INPP5K: variants seen among roughly 807,000 people sequenced by gnomAD.
INPP5K encodes the protein inositol polyphosphate-5-phosphatase K, also known as inositol polyphosphate 5-phosphatase K.
In INPP5K, 35 loss-of-function variants were observed where a neutral mutation model predicts 53.5. That is an observed-to-expected ratio of 0.65 (90% CI 0.50 to 0.87). The LOEUF (loss-of-function observed/expected upper bound fraction) is 0.87. Among genes scored for constraint, INPP5K ranks in the 40% least tolerant of loss-of-function variants. INPP5K has a pLI of 0.00. For missense variants in INPP5K, 550 were observed against 586.2 expected, an observed-to-expected ratio of 0.94 and a Z score of 0.64; for synonymous variants, 253 against 232.8, an observed-to-expected ratio of 1.09 and a Z score of -0.79.
intron 7 of INPP5K, among the ~76,000 whole-genome samples, chr17:1,505,086 G>A (rs1429774081): frequency 1.3e-5 from 2 of 152,176 alleles, no homozygotes; most frequent in African/African-American, 2.4e-5. Flanking sequence ...AGAAGGGGAC[G>A]CCTGGCCGTA....
At position 1,495,528 on chromosome 17, in the gene INPP5K, G is replaced by A. The variant is rs2074806462; in HGVS notation, c.*295C>T. 2.5e-6 allele frequency: 1 copy of A among 392,254 alleles called. No homozygotes were observed. The highest frequency in any genetic ancestry group is 4.6e-6 in the Non-Finnish European group (1 of 215,864). 24.3% of individuals were successfully genotyped at this position (392,254 alleles called of 1,614,324 possible). The stretch of plus-strand genomic sequence containing the variant: ...GGACTACTTGGGCAAGACTAGAAGA[G>A]GGGGTAGGAATCCAGAAATGAGACG... On this transcript the variant is annotated 3_prime_UTR_variant, in exon 12 of 12. Coordinates refer to ENST00000421807, the MANE Select transcript of INPP5K (RefSeq NM_016532.4).
chr17:1,496,202 G>C, intron 10 of INPP5K, 38 bp from the exon 11 acceptor site: 1 of 1,524,534 alleles, frequency 6.6e-7, no homozygotes, highest in Non-Finnish European at 9.1e-7. Context: ...CAGCTCCAGG[G>C]CTCTGGGCTC....
chr17:1,509,826 C>T, intron 3 of INPP5K, 27 bp from the exon 4 acceptor site: 3 of 1,442,514 alleles, frequency 2.1e-6, no homozygotes, highest in South Asian at 2.3e-5. Context: ...GCAAAGGTCG[C>T]TCATTAAACC....
chr17:1,508,869 C>T (rs1418953369), intron 5 of INPP5K: 3 of 290,066 alleles, frequency 1.0e-5, no homozygotes, highest in Admixed American at 1.3e-4. Flanking sequence ...GGGGAACGGT[C>T]TGCAGACCCA....
At chr17:1,502,083 C>G (rs967170876) in intron 7 of INPP5K, among the ~76,000 whole-genome samples, 1 of 151,184 alleles carries the variant, frequency 6.6e-6, no homozygotes, top group African/African-American at 2.4e-5. Context: ...GGCACGGTGG[C>G]TCACGCCTGT....
chr17:1,496,170 G>A lies in INPP5K; in HGVS notation c.1186-6C>T. On this transcript the variant is annotated splice_polypyrimidine_tract_variant and splice_region_variant and intron_variant, in intron 10 of 11. Transcript: ENST00000421807. ...TTGCTGATGTCGATGTAAACCTGGAGGGGGATGGACAGGACTGGGGTCAGC... is the reference window on the plus strand; with the variant it reads ...TTGCTGATGTCGATGTAAACCTGGAAGGGGATGGACAGGACTGGGGTCAGC... The A allele has an allele frequency of 1.3e-6, 2 of 1,599,372 alleles. No individual in the cohort carries two copies. The highest frequency in any genetic ancestry group is 1.7e-6 in the Non-Finnish European group (2 of 1,166,726).
intron 1 of INPP5K, chr17:1,515,468 G>A (rs1267324745): frequency 8.1e-6 from 8 of 985,446 alleles, no homozygotes; most frequent in Non-Finnish European, 9.6e-6. Flanking sequence ...AGCTCTTCAA[G>A]AAGCCTCAGA....
chr17:1,508,250 C>T, intron 5 of INPP5K, 24 bp from the exon 6 acceptor site: 1 of 1,571,078 alleles, frequency 6.4e-7, no homozygotes, highest in Non-Finnish European at 8.8e-7. Context: ...GGAGGGCAGC[C>T]TGAGGATTTG....
intron 1 of INPP5K, 115 bp downstream of exon 1, chr17:1,516,341 G>T: frequency 8.5e-7 from 1 of 1,179,314 alleles, no homozygotes; most frequent in Non-Finnish European, 1.2e-6. Context: ...AGGCGAGAGC[G>T]CCTCTGAACC....
intron 6 of INPP5K, among the ~76,000 whole-genome samples, 198 bp downstream of exon 6, chr17:1,507,917 C>A (rs1306753173): frequency 1.3e-5 from 2 of 152,104 alleles, no homozygotes; most frequent in African/African-American, 4.8e-5. Flanking sequence ...CATCCAGGGT[C>A]TGTTACCCTG....
intron 5 of INPP5K, among the ~76,000 whole-genome samples, chr17:1,508,747 CGGGG>C (rs2075225711): frequency 1.4e-5 from 2 of 142,704 alleles, no homozygotes; most frequent in East Asian, 2.3e-4. Flanking sequence ...GGGCAGAGGG[CGGGG>C]AACAGTCTGC....
At chr17:1,500,658 C>T (rs1031339024) in intron 7 of INPP5K, among the ~76,000 whole-genome samples, 1 of 152,158 alleles carries the variant, frequency 6.6e-6, no homozygotes, top group Non-Finnish European at 1.5e-5. Flanking sequence ...GCCACCGCGC[C>T]CGGCCACTGA....
chr17:1,515,855 C>G, intron 1 of INPP5K: 2 of 952,134 alleles, frequency 2.1e-6, no homozygotes, highest in Non-Finnish European at 2.5e-6. Context: ...GAACAAAGAC[C>G]TTTTACTCAG....
At chr17:1,505,566 C>T (rs2075134681) in intron 7 of INPP5K, among the ~76,000 whole-genome samples, 1 of 152,172 alleles carries the variant, frequency 6.6e-6, no homozygotes, top group Admixed American at 6.5e-5. Context: ...ACTGCCTCCT[C>T]TTCTGTGGAC....
At chr17:1,515,904 G>A (rs1023171018) in intron 1 of INPP5K, 3 of 986,730 alleles carry the variant, frequency 3.0e-6, no homozygotes, top group Non-Finnish European at 3.6e-6. Context: ...AGGATGGAGA[G>A]CAAAAGTCCG....
Position 1,513,861 on chromosome 17 carries a change from C to A in INPP5K, c.152+11G>T, listed in dbSNP as rs2075368912. On this transcript the variant is annotated intron_variant, in intron 2 of 11. Transcript: ENST00000421807. Reference sequence around the variant, plus strand: ...GGTCAGGGATGGGCGAAGGAGCCTGCAGATACCTACCCAATAACATATATG... The same window carrying A: ...GGTCAGGGATGGGCGAAGGAGCCTGAAGATACCTACCCAATAACATATATG... 1 of 1,593,120 alleles carries A rather than the reference C, an allele frequency of 6.3e-7. No individual in the cohort carries two copies. The highest frequency in any genetic ancestry group is 1.1e-5 in the South Asian group (1 of 90,016).
In INPP5K at chr17:1,513,554, C is replaced by A. The variant is rs1255565361; in HGVS notation, c.160G>T (p.Glu54Ter). 1 of 1,614,050 alleles carries A rather than the reference C, an allele frequency of 6.2e-7. No homozygotes were observed. Among genetic ancestry groups the A allele is most frequent in the African/African-American group, 1.3e-5 (1 of 74,932 alleles). ...AGGCTTATGATCCCAGAGTTCAATTCCTGCAAACTGACCATGCCAGCTCAG... is the reference window on the plus strand; with the variant it reads ...AGGCTTATGATCCCAGAGTTCAATTACTGCAAACTGACCATGCCAGCTCAG... ...NLDIYVIGLQ[E>*]LNSGIISLLS... The change falls in exon 3 of 12, where the codon GAA (glutamate) becomes TAA (stop). Residue 54 changes from glutamate to a stop codon, truncating the protein, a stop_gained. Coordinates refer to ENST00000421807, the MANE Select transcript of INPP5K (RefSeq NM_016532.4). LOFTEE classifies it high-confidence loss of function.
chr17:1,498,170 G>A (rs932192205), intron 7 of INPP5K, 48 bp from the exon 8 acceptor site: 1 of 1,507,042 alleles, frequency 6.6e-7, no homozygotes, highest in Admixed American at 1.8e-5. Flanking sequence ...AAGAAGAAAG[G>A]GTTGGCTAAG....
At chr17:1,508,922 G>T (rs8076156) in intron 5 of INPP5K, 2 of 256,830 alleles carry the variant, frequency 7.8e-6, no homozygotes, top group Non-Finnish European at 1.5e-5. Context: ...GGCGGGGAAC[G>T]GTCTGCAGAC....
Sources: gnomAD v4.1 joint callset for allele counts (sites outside exome capture counted in the v4.1 genomes callset) on GRCh38, gnomAD v4.1.1 for gene constraint, MANE v1.5 for transcripts, NCBI Gene and HGNC (gene_info 2026-07-23, HGNC 2026-07-21) for gene names.